The following PCDH9 variants were observed in gnomAD, a reference collection of about 807,000 sequenced individuals.
The protein encoded by PCDH9 is protocadherin-9.
Under a neutral mutation model 70.6 loss-of-function variants are expected in PCDH9, and 24 were observed. The observed-to-expected ratio is 0.34, with a 90% CI of 0.25 to 0.48. The LOEUF (loss-of-function observed/expected upper bound fraction) is 0.48. Among genes scored for constraint, PCDH9 ranks in the 20% least tolerant of loss-of-function variants. PCDH9 has a pLI of 0.99. For missense variants in PCDH9, 1,281 were observed against 1,503.6 expected, an observed-to-expected ratio of 0.85 and a Z score of 2.45; for synonymous variants, 562 against 558.5, an observed-to-expected ratio of 1.01 and a Z score of -0.09.
chr13:66,989,211 G>A lies in PCDH9; in HGVS notation c.3037-85606C>T, dbSNP rs564838870. Among the ~76,000 whole-genome samples the A allele has an allele frequency of 5.9e-5, 9 of 151,920 alleles. No homozygotes were observed. In the South Asian group the frequency reaches 1.9e-3, roughly 32 times the overall value. ...ATTGTGATTTCAATTAATATAATGT[G>A]GAGTAGCTGGGATGTGGAATATTTT... On this transcript the variant is annotated intron_variant, in intron 2 of 4. Transcript: ENST00000377865.
At chr13:66,976,077 G>A (rs2083613660) in intron 2 of PCDH9, among the ~76,000 whole-genome samples, 3 of 151,960 alleles carry the variant, frequency 2.0e-5, no homozygotes, top group African/African-American at 7.2e-5. Context: ...GATAGGGCAT[G>A]TACAAAGTAA....
intron 3 of PCDH9, among the ~76,000 whole-genome samples, chr13:66,675,027 C>CTT (rs762928183): frequency 5.9e-5 from 9 of 151,952 alleles, no homozygotes; most frequent in Non-Finnish European, 7.4e-5. Context: ...CGAGTGCAAT[C>CTT]TTATGTTTTA....
At chr13:66,878,341 C>G (rs938950328) in intron 3 of PCDH9, among the ~76,000 whole-genome samples, 2 of 152,044 alleles carry the variant, frequency 1.3e-5, no homozygotes, top group African/African-American at 2.4e-5. Context: ...ATTCTCCTGC[C>G]TCAGCCTCCC....
intron 4 of PCDH9, among the ~76,000 whole-genome samples, chr13:66,522,575 T>C (rs981986848): frequency 3.3e-5 from 5 of 152,074 alleles, no homozygotes; most frequent in African/African-American, 1.2e-4. Context: ...CCTGGAAGAA[T>C]GGTCTTTGCA....
chr13:66,946,026 A>T (rs1172122808), intron 2 of PCDH9, among the ~76,000 whole-genome samples: 2 of 152,236 alleles, frequency 1.3e-5, no homozygotes, highest in East Asian at 3.9e-4. Flanking sequence ...ACATTTCCTC[A>T]TTGAATGGAT....
At chr13:66,563,611 T>C (rs567304369) in intron 4 of PCDH9, among the ~76,000 whole-genome samples, 42 of 152,172 alleles carry the variant, frequency 2.8e-4, no homozygotes, top group Non-Finnish European at 5.3e-4. Flanking sequence ...CCACTTACCA[T>C]GCTGGGTGTC....
At chr13:66,588,927 A>C (rs1165889523) in intron 4 of PCDH9, among the ~76,000 whole-genome samples, 1 of 151,990 alleles carries the variant, frequency 6.6e-6, no homozygotes, top group East Asian at 1.9e-4. Flanking sequence ...AAAAGAACAG[A>C]AAAAAGTGAA....
chr13:67,209,439 T>C (rs2089425311), intron 2 of PCDH9: 1 of 152,116 alleles, frequency 6.6e-6, no homozygotes, highest in South Asian at 2.1e-4. Context: ...TTAATACATC[T>C]CCTCCATCGA....
intron 2 of PCDH9, among the ~76,000 whole-genome samples, chr13:67,100,184 C>T (rs1409190348): frequency 6.6e-6 from 1 of 152,088 alleles, no homozygotes; most frequent in Non-Finnish European, 1.5e-5. Context: ...TGACCCATAA[C>T]ATATTAATTA....
intron 4 of PCDH9, among the ~76,000 whole-genome samples, chr13:66,471,991 G>T (rs186532505): frequency 6.6e-6 from 1 of 151,716 alleles, no homozygotes; most frequent in East Asian, 1.9e-4. Context: ...CGGGCGGATC[G>T]CTTAAGGTCA....
chr13:67,116,980 A>C (rs577029288), intron 2 of PCDH9, among the ~76,000 whole-genome samples: 2 of 152,304 alleles, frequency 1.3e-5, no homozygotes, highest in South Asian at 2.1e-4. Flanking sequence ...TCAAACTTTT[A>C]CATTATCCAT....
At chr13:66,974,613 T>C (rs2083582913) in intron 2 of PCDH9, among the ~76,000 whole-genome samples, 1 of 152,046 alleles carries the variant, frequency 6.6e-6, no homozygotes, top group South Asian at 2.1e-4. Flanking sequence ...TAGAACTGTT[T>C]CTTGCGGTAA....
chr13:67,170,722 C>T (rs2088258793), intron 2 of PCDH9, among the ~76,000 whole-genome samples: 2 of 152,052 alleles, frequency 1.3e-5, no homozygotes, highest in Admixed American at 1.3e-4. Context: ...GCCAAGACTT[C>T]AAGACCAGCC....
At chr13:66,516,913 T>C (rs994837331) in intron 4 of PCDH9, among the ~76,000 whole-genome samples, 1 of 152,150 alleles carries the variant, frequency 6.6e-6, no homozygotes, top group Non-Finnish European at 1.5e-5. Flanking sequence ...GGTTTAGAAT[T>C]AATTTAAATG....
intron 3 of PCDH9, among the ~76,000 whole-genome samples, chr13:66,818,624 A>C (rs2080650100): frequency 6.6e-6 from 1 of 152,166 alleles, no homozygotes; most frequent in Non-Finnish European, 1.5e-5. Flanking sequence ...AAGACAAATC[A>C]GTATTTTCTG....
At chr13:66,727,275 A>G (rs1419332404) in intron 3 of PCDH9, among the ~76,000 whole-genome samples, 2 of 152,132 alleles carry the variant, frequency 1.3e-5, no homozygotes, top group Non-Finnish European at 2.9e-5. Flanking sequence ...AAGGTAAATT[A>G]AAATAAAATA....
chr13:67,150,725 A>G (rs9564374), intron 2 of PCDH9, among the ~76,000 whole-genome samples: 6,608 of 152,266 alleles, frequency 0.043, 198 homozygotes, highest in East Asian at 0.12. Context: ...AAATTTACCA[A>G]TAAAACCACT....
chr13:67,014,074 TATG>T (rs1293831969), intron 2 of PCDH9, among the ~76,000 whole-genome samples: 1 of 152,090 alleles, frequency 6.6e-6, no homozygotes, highest in African/African-American at 2.4e-5. Flanking sequence ...CCCATTCAAA[TATG>T]AAACTAGTCA....
At chr13:66,541,956 G>A (rs568288469) in intron 4 of PCDH9, among the ~76,000 whole-genome samples, 10 of 152,172 alleles carry the variant, frequency 6.6e-5, no homozygotes, top group South Asian at 2.1e-4. Flanking sequence ...AGTTTTCCTC[G>A]TCTGTAAATT....
Sources: gnomAD v4.1 joint callset for allele counts (sites outside exome capture counted in the v4.1 genomes callset) on GRCh38, gnomAD v4.1.1 for gene constraint, MANE v1.5 for transcripts, NCBI Gene and HGNC (gene_info 2026-07-23, HGNC 2026-07-21) for gene names.